CCDC102B: variants seen among roughly 807,000 people sequenced by gnomAD.
The protein encoded by CCDC102B is coiled-coil domain-containing protein 102B.
In CCDC102B, 75 loss-of-function variants were observed where a neutral mutation model predicts 57.4. The ratio of observed to expected loss-of-function variants is 1.31; its 90% confidence interval spans 1.08 to 1.58. CCDC102B has a LOEUF of 1.58. CCDC102B is among the 40% of genes most tolerant of loss of function. CCDC102B has a pLI of 0.00. For synonymous variants in CCDC102B, 206 were observed against 201.9 expected (o/e 1.02, Z -0.17); for missense variants, 636 against 582.6 (o/e 1.09, Z -0.94).
chr18:68,802,538 T>G (rs1174280911), intron 1 of CCDC102B, among the ~76,000 whole-genome samples: 3 of 152,154 alleles, frequency 2.0e-5, no homozygotes, highest in African/African-American at 7.2e-5. Context: ...ATGGGAGAAA[T>G]TCCAGTATTC....
intron 2 of CCDC102B, among the ~76,000 whole-genome samples, chr18:68,764,203 C>T (rs910615358): frequency 5.3e-5 from 8 of 152,036 alleles, no homozygotes; most frequent in Non-Finnish European, 7.4e-5. Flanking sequence ...ATTTCCCTTC[C>T]GTATACTTTT....
chr18:68,725,879 G>T (rs2032571220), intron 2 of CCDC102B, among the ~76,000 whole-genome samples: 1 of 152,194 alleles, frequency 6.6e-6, no homozygotes, highest in African/African-American at 2.4e-5. Context: ...ATGAAGAAGG[G>T]TGATGTGAAG....
intron 6 of CCDC102B, among the ~76,000 whole-genome samples, chr18:68,938,861 C>A (rs1397744563): frequency 6.6e-6 from 1 of 151,294 alleles, no homozygotes; most frequent in Non-Finnish European, 1.5e-5. Context: ...TATATCACAC[C>A]AATAAAGGTT....
At chr18:69,012,621 G>A (rs1013855478) in intron 7 of CCDC102B, among the ~76,000 whole-genome samples, 6 of 152,002 alleles carry the variant, frequency 3.9e-5, no homozygotes, top group African/African-American at 1.5e-4. Context: ...CAGGGCTCTG[G>A]CGTGTTTCTT....
intron 2 of CCDC102B, among the ~76,000 whole-genome samples, chr18:68,778,576 A>C (rs2034900900): frequency 6.6e-6 from 1 of 152,154 alleles, no homozygotes; most frequent in African/African-American, 2.4e-5. Context: ...ACTAAGTCAC[A>C]GTGAATTGAG....
intron 2 of CCDC102B, among the ~76,000 whole-genome samples, chr18:68,770,821 G>A (rs1016154338): frequency 1.3e-5 from 2 of 152,258 alleles, no homozygotes; most frequent in African/African-American, 2.4e-5. Flanking sequence ...GCCAGGCTTT[G>A]TAGAAGAAAG....
intron 2 of CCDC102B, among the ~76,000 whole-genome samples, chr18:68,777,064 T>TG (rs2034845268): frequency 6.6e-6 from 1 of 152,154 alleles, no homozygotes; most frequent in Admixed American, 6.5e-5. Flanking sequence ...ATCAGTTCCG[T>TG]GGGGAAATTT....
chr18:68,875,449 CAGATAATT>C (rs1036180826), intron 5 of CCDC102B, among the ~76,000 whole-genome samples: 14 of 152,090 alleles, frequency 9.2e-5, no homozygotes, highest in African/African-American at 3.4e-4. Context: ...TGTCTTGGAA[CAGATAATT>C]CTGGGAAAAT....
intron 6 of CCDC102B, among the ~76,000 whole-genome samples, chr18:68,931,614 A>G (rs2041675941): frequency 6.6e-6 from 1 of 151,940 alleles, no homozygotes; most frequent in Admixed American, 6.6e-5. Flanking sequence ...TAGGATTAGG[A>G]CAAATGTCTA....
intron 6 of CCDC102B, among the ~76,000 whole-genome samples, chr18:68,907,656 T>C (rs2040695495): frequency 6.6e-6 from 1 of 152,238 alleles, no homozygotes; most frequent in South Asian, 2.1e-4. Flanking sequence ...GCAACTTTGC[T>C]GAAGTTGTAT....
intron 6 of CCDC102B, among the ~76,000 whole-genome samples, chr18:69,002,724 G>A (rs1010626275): frequency 1.3e-5 from 2 of 152,136 alleles, no homozygotes; most frequent in Admixed American, 6.5e-5. Context: ...TAAGTGAGAT[G>A]AAAGTGATTT....
chr18:68,741,547 A>G (rs2033381941), intron 2 of CCDC102B, among the ~76,000 whole-genome samples: 3 of 152,144 alleles, frequency 2.0e-5, no homozygotes, highest in African/African-American at 4.8e-5. Flanking sequence ...ACTCAGGAAT[A>G]GGATTGCCAA....
chr18:68,984,731 C>T (rs2050681690), intron 6 of CCDC102B, among the ~76,000 whole-genome samples: 1 of 152,072 alleles, frequency 6.6e-6, no homozygotes, highest in Non-Finnish European at 1.5e-5. Flanking sequence ...GAAATACCAA[C>T]ACAGAGTGAG....
At chr18:68,831,190 T>C (rs1222163830) in intron 1 of CCDC102B, among the ~76,000 whole-genome samples, 1 of 152,132 alleles carries the variant, frequency 6.6e-6, no homozygotes, top group Non-Finnish European at 1.5e-5. Flanking sequence ...TTGAACATTA[T>C]CTTAGAAACG....
At chr18:69,043,320 G>A (rs1175800409) in intron 7 of CCDC102B, among the ~76,000 whole-genome samples, 1 of 152,102 alleles carries the variant, frequency 6.6e-6, no homozygotes, top group Non-Finnish European at 1.5e-5. Flanking sequence ...GGGACGGGCA[G>A]GAGACAGATG....
intron 1 of CCDC102B, among the ~76,000 whole-genome samples, chr18:68,829,398 G>A (rs918780581): frequency 1.3e-5 from 2 of 151,934 alleles, no homozygotes; most frequent in Admixed American, 6.6e-5. Flanking sequence ...GCTTTTTGAT[G>A]TGGAATACAG....
chr18:69,024,257 G>A (rs2051924406), intron 7 of CCDC102B, among the ~76,000 whole-genome samples: 1 of 151,972 alleles, frequency 6.6e-6, no homozygotes, highest in Admixed American at 6.6e-5. Context: ...AAGTGATTTT[G>A]TTACAAGACA....
upstream of CCDC102B, among the ~76,000 whole-genome samples, chr18:68,794,669 G>A (rs537968431): frequency 1.8e-4 from 27 of 152,132 alleles, no homozygotes; most frequent in South Asian, 4.1e-4. Context: ...AATTTTTCTC[G>A]TCTCTTTATC....
At chr18:68,844,996 T>C (rs2037797349) in intron 3 of CCDC102B, among the ~76,000 whole-genome samples, 1 of 151,916 alleles carries the variant, frequency 6.6e-6, no homozygotes, top group African/African-American at 2.4e-5. Context: ...CAGAGTCCTA[T>C]AAGTGGTGCT....
Sources: gnomAD v4.1 joint callset for allele counts (sites outside exome capture counted in the v4.1 genomes callset) on GRCh38, gnomAD v4.1.1 for gene constraint, MANE v1.5 for transcripts, NCBI Gene and HGNC (gene_info 2026-07-23, HGNC 2026-07-21) for gene names.